WNK1: variants seen among roughly 807,000 people sequenced by gnomAD.
The protein encoded by WNK1 is serine/threonine-protein kinase WNK1.
Under a neutral mutation model 222.8 loss-of-function variants are expected in WNK1, and 38 were observed. That is an observed-to-expected ratio of 0.17 (90% CI 0.13 to 0.22). The LOEUF is 0.22. Among genes scored for constraint, WNK1 ranks in the 10% least tolerant of loss-of-function variants. WNK1 has a pLI of 1.00. For synonymous variants in WNK1, 1,090 were observed against 1,092.9 expected, an observed-to-expected ratio of 1.00 and a Z score of 0.05; for missense variants, 2,348 against 2,918.4, an observed-to-expected ratio of 0.80 and a Z score of 4.50.
chr12:858,051 C>T (rs755182750), intron 5 of WNK1, among the ~76,000 whole-genome samples: 3 of 152,036 alleles, frequency 2.0e-5, no homozygotes, highest in South Asian at 4.1e-4. Flanking sequence ...TTTATAACAT[C>T]GTTATTTAGA....
At chr12:851,392 A>G (rs566835574) in intron 4 of WNK1, 1 of 1,082,212 alleles carries the variant, frequency 9.2e-7, no homozygotes, top group Non-Finnish European at 1.1e-6. Context: ...GCATTGAGCA[A>G]GTAAAAATCC....
At chr12:795,622 G>T (rs1439790941) in intron 1 of WNK1, among the ~76,000 whole-genome samples, 1 of 151,966 alleles carries the variant, frequency 6.6e-6, no homozygotes, top group African/African-American at 2.4e-5. Context: ...TGTGAGTACA[G>T]TTAAACCCAG....
chr12:773,941 G>C (rs1291327925), intron 1 of WNK1, among the ~76,000 whole-genome samples: 1 of 152,132 alleles, frequency 6.6e-6, no homozygotes, highest in African/African-American at 2.4e-5. Flanking sequence ...CCACAAGGTT[G>C]TAACCATGAA....
chr12:896,532 G>C lies in WNK1; in HGVS notation c.6045G>C (p.Glu2015Asp). 1 of 1,613,370 alleles carries C rather than the reference G, an allele frequency of 6.2e-7. No homozygotes were observed. The highest frequency in any genetic ancestry group is 8.5e-7 in the Non-Finnish European group (1 of 1,179,890). ...TAAATGGGCCGTCTTCTGACCCGGAGGCCGCTTTTTTAAGTAGGGATGTGG... is the reference window on the plus strand; with the variant it reads ...TAAATGGGCCGTCTTCTGACCCGGACGCCGCTTTTTTAAGTAGGGATGTGG... ...SHLNGPSSDPEAAFLSRDVDD... is the reference protein window; with the variant it reads ...SHLNGPSSDPDAAFLSRDVDD... The change falls in exon 24 of 28, where the codon GAG (glutamate) becomes GAC (aspartate). Residue 2015 changes from glutamate (E) to aspartate (D), a missense_variant. This residue lies in a region of WNK1 where 1,144 missense variants were observed against 1,273.6 expected (regional missense o/e 0.90). Coordinates refer to ENST00000315939, the MANE Select transcript of WNK1 (RefSeq NM_018979.4).
chr12:900,871 T>A lies in WNK1; in HGVS notation c.6643+201T>A, dbSNP rs972765576. 16 of 684,082 alleles carry A rather than the reference T, an allele frequency of 2.3e-5. No homozygotes were observed. The African/African-American group carries it at 2.5e-4, about 11-fold the overall frequency. 42.4% of individuals were successfully genotyped at this position (684,082 alleles called of 1,614,324 possible). On this transcript the variant is annotated intron_variant, in intron 26 of 27. Transcript: ENST00000315939. Reference sequence around the variant, plus strand: ...CACTGCTCCCATTAGGTGAAATTACTTTTTTTCAAGGAATTACAGTGAAAA... The same window carrying A: ...CACTGCTCCCATTAGGTGAAATTACATTTTTTCAAGGAATTACAGTGAAAA...
intron 1 of WNK1, among the ~76,000 whole-genome samples, chr12:783,095 G>A (rs1943892914): frequency 6.6e-6 from 1 of 150,902 alleles, no homozygotes; most frequent in African/African-American, 2.4e-5. Context: ...TGTAGAGACG[G>A]GGGTAGGGTG....
chr12:889,627 G>A (rs1476978398), intron 21 of WNK1, among the ~76,000 whole-genome samples: 1 of 152,126 alleles, frequency 6.6e-6, no homozygotes, highest in Non-Finnish European at 1.5e-5. Flanking sequence ...GACCGTCCTG[G>A]CTAACACGGT....
At chr12:851,292 G>A (rs774295646) in intron 4 of WNK1, 15 of 892,762 alleles carry the variant, frequency 1.7e-5, no homozygotes, top group Non-Finnish European at 2.0e-5. Flanking sequence ...AGTGTTTTTG[G>A]TAAATGGGTT....
In WNK1 at chr12:843,876, A is replaced by G. The variant is rs139913877; in HGVS notation, c.1312-13285A>G. Among the ~76,000 whole-genome samples, 260 of 152,318 alleles carry G rather than the reference A, an allele frequency of 1.7e-3. 2 individuals carry two copies. The Middle Eastern group carries it at 0.02, about 12-fold the overall frequency. On this transcript the variant is annotated intron_variant, in intron 4 of 27. Coordinates refer to ENST00000315939, the MANE Select transcript of WNK1 (RefSeq NM_018979.4). ...ATATGTACATTAAAGTTTGAGAAGT[A>G]TGAGCTGGGTCAGTAATCCCTTAAG...
chr12:900,256 G>A (rs940123802), intron 25 of WNK1, among the ~76,000 whole-genome samples: 1 of 152,050 alleles, frequency 6.6e-6, no homozygotes, highest in Non-Finnish European at 1.5e-5. Flanking sequence ...AAAGTGCTGG[G>A]ATATTATAGG....
rs770002621 is a variant in WNK1 at position 879,628 on chromosome 12, C to T, written c.2429C>T (p.Ala810Val). 7.4e-6 allele frequency: 12 copies of T among 1,612,286 alleles called. No individual in the cohort carries two copies. The highest frequency in any genetic ancestry group is 2.2e-5 in the East Asian group (1 of 44,842). Residue 810 changes from alanine to valine, a missense_variant, in exon 11 of 28, where the codon GCG (alanine) becomes GTG (valine). This residue lies in a region of WNK1 where 547 missense variants were observed against 558.3 expected (regional missense o/e 0.98). Transcript: ENST00000315939. ...CAAGGCGAACCTCAGATCCCAGTTGCGACACAACCCTCGGTTGTTCCAGTC... is the reference window on the plus strand; with the variant it reads ...CAAGGCGAACCTCAGATCCCAGTTGTGACACAACCCTCGGTTGTTCCAGTC... ...TIQGEPQIPV[A>V]TQPSVVPVHS...
chr12:786,935 A>G (rs945421218), intron 1 of WNK1, among the ~76,000 whole-genome samples: 3 of 151,450 alleles, frequency 2.0e-5, no homozygotes, highest in African/African-American at 7.3e-5. Flanking sequence ...CCTGCCTTCT[A>G]TGTGTTTTAA....
intron 2 of WNK1, among the ~76,000 whole-genome samples, chr12:825,113 A>T (rs1007806175): frequency 1.5e-4 from 23 of 152,212 alleles, no homozygotes; most frequent in Admixed American, 6.5e-5. Context: ...CAAGGCATTC[A>T]TTCGTGTAAC....
At chr12:838,021 G>A (rs1949331865) in intron 4 of WNK1, among the ~76,000 whole-genome samples, 2 of 150,966 alleles carry the variant, frequency 1.3e-5, no homozygotes, top group Non-Finnish European at 2.9e-5. Context: ...CTCAAGGTTC[G>A]TCCATGTTGT....
chr12:763,096 G>A lies in WNK1; in HGVS notation c.759+8772G>A, dbSNP rs993782600. On this transcript the variant is annotated intron_variant, in intron 1 of 27. Transcript: ENST00000315939. ...TACTTTGAGGTTTGCAAGACCTCCCGTGGATACCTGAAGCTACAGACACTA... is the reference window on the plus strand; with the variant it reads ...TACTTTGAGGTTTGCAAGACCTCCCATGGATACCTGAAGCTACAGACACTA... 6.8e-5 allele frequency among the ~76,000 whole-genome samples: 10 copies of A among 147,176 alleles called. 1 individual carries two copies. Among genetic ancestry groups the A allele is most frequent in the African/African-American group, 2.2e-4 (9 of 41,100 alleles).
rs1344752084 is a variant in WNK1, at chr12:764,509, G to T, written c.759+10185G>T. On this transcript the variant is annotated intron_variant, in intron 1 of 27. Coordinates refer to ENST00000315939, the MANE Select transcript of WNK1 (RefSeq NM_018979.4). ...AAATTAGCTGGGCCTGGTGGCACAT[G>T]CCTATATTCCCAACTACTCGGCAGG... 3.5e-5 allele frequency among the ~76,000 whole-genome samples: 5 copies of T among 144,268 alleles called. 1 individual carries two copies. The highest frequency in any genetic ancestry group is 1.2e-4 in the African/African-American group (5 of 40,522). 94.6% of individuals were successfully genotyped at this position (144,268 alleles called of 152,430 possible). A position where few individuals can be genotyped will look rare whatever the true frequency, so the allele number is the denominator to read the frequency against.
chr12:794,445 G>A lies in WNK1; in HGVS notation c.760-19197G>A, dbSNP rs146657298. Among the ~76,000 whole-genome samples the A allele has an allele frequency of 9.4e-4, 142 of 151,580 alleles. 2 individuals carry two copies. The highest frequency in any genetic ancestry group is 7.7e-3 in the South Asian group (37 of 4,792). ...AGGTTAAGCATAATGTTAGCTGTGG[G>A]GTTTTCCTAGATGCCCTTTATCCAA... On this transcript the variant is annotated intron_variant, in intron 1 of 27. Transcript: ENST00000315939.
intron 1 of WNK1, among the ~76,000 whole-genome samples, chr12:811,707 TAA>T (rs992895824): frequency 1.3e-5 from 2 of 148,476 alleles, no homozygotes; most frequent in Non-Finnish European, 3.0e-5. Context: ...GTTCCTAGAT[TAA>T]AAAAAAAACA....
At chr12:804,653 G>C (rs956623774) in intron 1 of WNK1, among the ~76,000 whole-genome samples, 13 of 151,978 alleles carry the variant, frequency 8.6e-5, no homozygotes, top group African/African-American at 3.1e-4. Flanking sequence ...GATTACAGGC[G>C]TGAGCCACCG....
Sources: allele counts gnomAD v4.1 joint callset (sites outside exome capture counted in the v4.1 genomes callset), GRCh38; gene constraint gnomAD v4.1.1; regional missense constraint gnomAD v4.1.1; transcripts MANE v1.5; gene names NCBI Gene and HGNC (gene_info 2026-07-23, HGNC 2026-07-21).